Variants in HERC1 observed in about 807,000 individuals in gnomAD.
HERC1 encodes the protein HECT and RLD domain containing E3 ubiquitin protein ligase family member 1, also known as probable E3 ubiquitin-protein ligase HERC1.
Under a neutral mutation model 554.3 loss-of-function variants are expected in HERC1, and 160 were observed. The observed-to-expected ratio is 0.29, with a 90% CI of 0.25 to 0.33. The LOEUF (loss-of-function observed/expected upper bound fraction) is 0.33. Ranked by LOEUF, HERC1 falls within the 10% of genes least tolerant of loss-of-function variation. The pLI, the probability that HERC1 is intolerant of heterozygous loss-of-function variation, is 1.00. For missense variants in HERC1, 4,919 were observed against 5,918.5 expected (o/e 0.83, Z 5.54); for synonymous variants, 2,175 against 2,131.7 (o/e 1.02, Z -0.56).
At chr15:63,688,917 G>A (rs1216243757) in intron 33 of HERC1, among the ~76,000 whole-genome samples, 1 of 152,124 alleles carries the variant, frequency 6.6e-6, no homozygotes, top group Admixed American at 6.5e-5. Flanking sequence ...AGACACCCAG[G>A]CTAGCATTTA....
rs1164190657 is a variant in HERC1 at position 63,686,737 on chromosome 15, A to G, written c.6049-202T>C. Among the ~76,000 whole-genome samples the G allele has an allele frequency of 2.0e-5, 3 of 152,230 alleles. No individual in the cohort carries two copies. In the East Asian group the frequency reaches 5.8e-4, roughly 29 times the overall value. ...GAGCTTAAGGTCATTAATGGACAGA[A>G]GACAAATACATACTGCTAGTATTAC... On this transcript the variant is annotated intron_variant, in intron 33 of 77. Coordinates refer to ENST00000443617, the MANE Select transcript of HERC1 (RefSeq NM_003922.4).
rs2075079822 is a variant in HERC1 at position 63,747,047 on chromosome 15, T to C, written c.2391A>G (p.Leu797=). 2 of 1,597,720 alleles carry C rather than the reference T, an allele frequency of 1.3e-6. No homozygotes were observed. Among genetic ancestry groups the C allele is most frequent in the Non-Finnish European group, 8.5e-7 (1 of 1,172,332 alleles). ...GTGCAAGAGCAAGGTGATTTGAAAGTAGCTTCAGGCACAGCTTGAGAAAAC... is the reference window on the plus strand; with the variant it reads ...GTGCAAGAGCAAGGTGATTTGAAAGCAGCTTCAGGCACAGCTTGAGAAAAC... The part of the protein sequence containing the change: ...HHSFLKLCLK[L]LSNHLALALA... Residue 797 remains leucine, a synonymous_variant, in exon 12 of 78, where the codon CTA becomes CTG. Coordinates refer to ENST00000443617, the MANE Select transcript of HERC1 (RefSeq NM_003922.4).
At chr15:63,715,769 G>A (rs1018618743) in intron 22 of HERC1, among the ~76,000 whole-genome samples, 2 of 152,100 alleles carry the variant, frequency 1.3e-5, no homozygotes, top group African/African-American at 4.8e-5. Context: ...AACTATCTGA[G>A]CCTTGGAATA....
intron 34 of HERC1, among the ~76,000 whole-genome samples, chr15:63,684,929 A>G (rs1388474073): frequency 6.6e-6 from 1 of 152,222 alleles, no homozygotes; most frequent in Non-Finnish European, 1.5e-5. Context: ...GAATCGCTTG[A>G]ACCCAGGAGG....
chr15:63,744,083 C>T (rs1258157663), intron 12 of HERC1, among the ~76,000 whole-genome samples: 2 of 144,246 alleles, frequency 1.4e-5, no homozygotes, highest in African/African-American at 5.2e-5. Context: ...GACTCTTGTT[C>T]TCTTCCCTTA....
chr15:63,768,630 T>C (rs1418500158), intron 2 of HERC1, among the ~76,000 whole-genome samples: 3 of 152,214 alleles, frequency 2.0e-5, no homozygotes, highest in African/African-American at 4.8e-5. Flanking sequence ...AGTAGACTGA[T>C]GTACCTTTCT....
At chr15:63,636,328 T>C (rs1352840848) in intron 64 of HERC1, among the ~76,000 whole-genome samples, 186 bp from the exon 65 acceptor site, 5 of 151,410 alleles carry the variant, frequency 3.3e-5, no homozygotes, top group Admixed American at 6.6e-5. Context: ...TGGAGTGCAG[T>C]GGTGTGATCT....
chr15:63,722,121 C>T (rs1396880865), intron 19 of HERC1, among the ~76,000 whole-genome samples: 1 of 152,218 alleles, frequency 6.6e-6, no homozygotes. Context: ...CCACCTCAGC[C>T]TCCCAAAGTG....
At position 63,702,199 on chromosome 15, in the gene HERC1, A is replaced by G. The variant is rs1404398449; in HGVS notation, c.4637-3203T>C. Among the ~76,000 whole-genome samples, 6 of 152,310 alleles carry G rather than the reference A, an allele frequency of 3.9e-5. No individual in the cohort carries two copies. In the East Asian group the frequency reaches 1.2e-3, roughly 29 times the overall value. On this transcript the variant is annotated intron_variant, in intron 25 of 77. Transcript: ENST00000443617. Reference sequence around the variant, plus strand: ...GGCTCAACTGGCCAAAAAGGAGTAAATACACTACCACACGAGAATCAGAAA... The same window carrying G: ...GGCTCAACTGGCCAAAAAGGAGTAAGTACACTACCACACGAGAATCAGAAA...
Position 63,729,641 on chromosome 15 carries a change from T to C in HERC1, c.2877A>G (p.Ala959=). The part of the protein sequence containing the change: ...LRNLGFYTDQ[A]FGELEKNSDK... ...CACTATTCTTTTCTAGCTCTCCAAA[T>C]GCTTGATCCTAAAATGACACACAAA... Residue 959 remains alanine, a synonymous_variant, in exon 15 of 78, where the codon GCA becomes GCG. Transcript: ENST00000443617. 3 of 1,613,768 alleles carry C rather than the reference T, an allele frequency of 1.9e-6. No individual in the cohort carries two copies. The highest frequency in any genetic ancestry group is 2.5e-6 in the Non-Finnish European group (3 of 1,179,718).
At chr15:63,673,230 T>G (rs1289482481) in intron 38 of HERC1, among the ~76,000 whole-genome samples, 1 of 135,972 alleles carries the variant, frequency 7.4e-6, no homozygotes, top group African/African-American at 2.8e-5. Flanking sequence ...TTTTTTTAAT[T>G]GTTAAGGAAT....
intron 2 of HERC1, among the ~76,000 whole-genome samples, chr15:63,771,071 C>A (rs1025667970): frequency 2.0e-4 from 30 of 152,032 alleles, no homozygotes; most frequent in African/African-American, 7.0e-4. Flanking sequence ...TGCCTGTAAA[C>A]CCAGCTACTG....
At position 63,749,230 on chromosome 15, in the gene HERC1, GA is replaced by G. The variant is rs1484037255; in HGVS notation, c.2219+136del. ...AATCTAATGTCATTTCTATGATAGAGAAAAAGCAATACTATATATGTTCAGA... is the reference window on the plus strand; with the variant it reads ...AATCTAATGTCATTTCTATGATAGAGAAAAGCAATACTATATATGTTCAGA... On this transcript the variant is annotated intron_variant, in intron 10 of 77. Coordinates refer to ENST00000443617, the MANE Select transcript of HERC1 (RefSeq NM_003922.4). This position sits in a 1 kb window ranked among gnomAD's most constrained non-coding sequence, Gnocchi z 4.1. 1.3e-5 allele frequency: 8 copies of G among 639,004 alleles called. No individual in the cohort carries two copies. In the East Asian group the frequency reaches 2.0e-4, roughly 16 times the overall value. 39.6% of individuals were successfully genotyped at this position (639,004 alleles called of 1,614,324 possible). A position where few individuals can be genotyped will look rare whatever the true frequency, so the allele number is the denominator to read the frequency against.
intron 71 of HERC1, among the ~76,000 whole-genome samples, chr15:63,624,852 G>A (rs929496900): frequency 9.9e-5 from 15 of 152,008 alleles, no homozygotes; most frequent in Non-Finnish European, 2.1e-4. Context: ...TACAGAGAAG[G>A]ATACACACAT....
rs1011829884 is a variant in HERC1 at position 63,775,409 on chromosome 15, C to T, written c.215G>A (p.Ser72Asn). The T allele has an allele frequency of 1.9e-5, 31 of 1,613,854 alleles. No homozygotes were observed. The highest frequency in any genetic ancestry group is 2.4e-5 in the Non-Finnish European group (28 of 1,179,856). The change falls in exon 2 of 78, where the codon AGT becomes AAT. Residue 72 changes from serine to asparagine, a missense_variant. By Grantham distance (46) the Ser-to-Asn change is conservative. Transcript: ENST00000443617. The surrounding 1 kb of genome is among the most constrained non-coding windows in gnomAD (Gnocchi z 4.0). ...LPDFERESLSSDEQDHYLDAL... is the reference protein window; with the variant it reads ...LPDFERESLSNDEQDHYLDAL... ...ATCCAAATAGTGGTCCTGCTCATCA[C>T]TTGAAAGAGACTCACGTTCAAAGTC... is the stretch of plus-strand genomic sequence containing the variant.
Position 63,615,891 on chromosome 15 carries a change from C to G in HERC1, c.13971G>C (p.Gln4657His), listed in dbSNP as rs2067793080. The change falls in exon 76 of 78, where the codon CAG becomes CAC. Residue 4657 changes from glutamine to histidine, a missense_variant. Gln to His is a conservative substitution (Grantham distance 24). Transcript: ENST00000443617. ...EMIPLDSFVG[Q>H]SADGKMVPII... ...TAGGAACCATTTTGCCATCAGCACT[C>G]TGGCCAACAAAAGAATCAAGAGGAA... 1.9e-6 allele frequency: 3 copies of G among 1,598,470 alleles called. No individual in the cohort carries two copies. Among genetic ancestry groups the G allele is most frequent in the East Asian group, 2.3e-5 (1 of 44,260 alleles).
At chr15:63,754,993 C>T (rs1328111465) in intron 6 of HERC1, among the ~76,000 whole-genome samples, 2 of 152,142 alleles carry the variant, frequency 1.3e-5, no homozygotes, top group Admixed American at 1.3e-4. Flanking sequence ...ATCCCAGAAA[C>T]CCTACAATGC....
At chr15:63,624,903 G>C (rs2068234464) in intron 71 of HERC1, among the ~76,000 whole-genome samples, 1 of 152,114 alleles carries the variant, frequency 6.6e-6, no homozygotes, top group African/African-American at 2.4e-5. Flanking sequence ...ACCATATAGA[G>C]ATGCCCCATT....
Position 63,758,409 on chromosome 15 carries a change from G to C in HERC1, c.1027-40C>G. The C allele has an allele frequency of 6.9e-7, 1 of 1,452,830 alleles. No individual in the cohort carries two copies. The highest frequency in any genetic ancestry group is 1.4e-5 in the African/African-American group (1 of 71,434). The allele number at this position is 1,452,830 out of a possible 1,614,324, so 90.0% of individuals were successfully genotyped here. A position where few individuals can be genotyped will look rare whatever the true frequency, so the allele number is the denominator to read the frequency against. ...AAATATGCAACAAATAGTCAAGACA[G>C]TTTTAGTCTGGGCATTTTTTATACA... is the stretch of plus-strand genomic sequence containing the variant. On this transcript the variant is annotated intron_variant, in intron 3 of 77. Transcript: ENST00000443617. The surrounding 1 kb of genome is among the most constrained non-coding windows in gnomAD (Gnocchi z 4.0).
Sources: allele counts gnomAD v4.1 joint callset (sites outside exome capture counted in the v4.1 genomes callset), GRCh38; gene constraint gnomAD v4.1.1; non-coding constraint Gnocchi (gnomAD v3.1); transcripts MANE v1.5; gene names NCBI Gene and HGNC (gene_info 2026-07-23, HGNC 2026-07-21).